The following GRM7 variants were observed in gnomAD, a reference collection of about 807,000 sequenced individuals.
GRM7 encodes the protein metabotropic glutamate receptor 7.
In GRM7, 35 loss-of-function variants were observed where a neutral mutation model predicts 84.5. The observed-to-expected ratio is 0.41, with a 90% confidence interval of 0.32 to 0.55. GRM7 has a LOEUF of 0.55. Ranked by LOEUF, GRM7 falls within the 20% of genes least tolerant of loss-of-function variation. The probability of loss-of-function intolerance (pLI) is 0.19; values close to 1 mark genes in which losing one functional copy is unlikely to be tolerated. For synonymous variants in GRM7, 487 were observed against 455.1 expected, an observed-to-expected ratio of 1.07 and a Z score of -0.89; for missense variants, 1,003 against 1,194.6, an observed-to-expected ratio of 0.84 and a Z score of 2.36.
At chr3:6,875,280 T>C (rs766665497) in intron 1 of GRM7, among the ~76,000 whole-genome samples, 45 of 152,104 alleles carry the variant, frequency 3.0e-4, no homozygotes, top group Non-Finnish European at 4.7e-4. Context: ...TTGATAAGCC[T>C]GATGATATGG....
chr3:7,354,326 G>T (rs1693291577), intron 4 of GRM7, among the ~76,000 whole-genome samples: 1 of 151,618 alleles, frequency 6.6e-6, no homozygotes, highest in East Asian at 2.0e-4. Flanking sequence ...TGGGGTTCAG[G>T]TGATTAATGG....
intron 1 of GRM7, among the ~76,000 whole-genome samples, chr3:7,060,338 C>A (rs2124968496): frequency 6.6e-6 from 1 of 151,912 alleles, no homozygotes; most frequent in African/African-American, 2.4e-5. Flanking sequence ...CCTCCACCAC[C>A]ACCTCCTTGC....
At chr3:7,181,367 T>C (rs1695331851) in intron 2 of GRM7, among the ~76,000 whole-genome samples, 1 of 152,180 alleles carries the variant, frequency 6.6e-6, no homozygotes, top group African/African-American at 2.4e-5. Context: ...TTCCTCTCTG[T>C]AGTCTACTAT....
intron 1 of GRM7, among the ~76,000 whole-genome samples, chr3:7,137,304 C>T (rs987014543): frequency 5.9e-5 from 9 of 151,756 alleles, no homozygotes; most frequent in African/African-American, 1.5e-4. Flanking sequence ...AATTAGAAAC[C>T]GAGAATTGGG....
At chr3:7,018,189 G>T (rs1046209528) in intron 1 of GRM7, among the ~76,000 whole-genome samples, 7 of 152,158 alleles carry the variant, frequency 4.6e-5, no homozygotes, top group Non-Finnish European at 1.0e-4. Flanking sequence ...CAAATATTAA[G>T]AAGTACTGTA....
chr3:7,531,530 C>A (rs1435530847), intron 7 of GRM7, among the ~76,000 whole-genome samples: 3 of 152,102 alleles, frequency 2.0e-5, no homozygotes, highest in African/African-American at 7.2e-5. Context: ...TCCTTCACAT[C>A]CCTTGTAAGT....
intron 7 of GRM7, among the ~76,000 whole-genome samples, chr3:7,475,464 T>A (rs185973079): frequency 1.4e-4 from 22 of 152,318 alleles, no homozygotes; most frequent in African/African-American, 4.6e-4. Context: ...GATAATTATT[T>A]TTTTTTTCCA....
At chr3:7,104,966 C>G (rs1451530922) in intron 1 of GRM7, among the ~76,000 whole-genome samples, 1 of 151,722 alleles carries the variant, frequency 6.6e-6, no homozygotes, top group Non-Finnish European at 1.5e-5. Flanking sequence ...GTTTCAAACA[C>G]TGTTGTAAAA....
intron 2 of GRM7, among the ~76,000 whole-genome samples, chr3:7,276,623 C>A (rs1167748823): frequency 6.6e-6 from 1 of 151,726 alleles, no homozygotes; most frequent in East Asian, 1.9e-4. Flanking sequence ...TTGTGAGGTT[C>A]CTTTTGGGTT....
intron 1 of GRM7, among the ~76,000 whole-genome samples, chr3:7,117,939 T>C (rs566732997): frequency 2.6e-5 from 4 of 152,290 alleles, no homozygotes; most frequent in Admixed American, 6.5e-5. Flanking sequence ...ACCATTTTGG[T>C]TTATCTTTTA....
At chr3:7,711,491 C>A (rs2125165876) in intron 9 of GRM7, among the ~76,000 whole-genome samples, 1 of 152,226 alleles carries the variant, frequency 6.6e-6, no homozygotes, top group South Asian at 2.1e-4. Flanking sequence ...GAGAAGCTGG[C>A]AGTGAGAAGA....
intron 1 of GRM7, among the ~76,000 whole-genome samples, chr3:7,092,510 C>G (rs1163242641): frequency 1.3e-5 from 2 of 151,666 alleles, no homozygotes; most frequent in African/African-American, 4.8e-5. Context: ...GTTAAATAGT[C>G]AAATGCTTAC....
intron 4 of GRM7, among the ~76,000 whole-genome samples, chr3:7,410,033 T>TG (rs1459699830): frequency 6.6e-6 from 1 of 152,090 alleles, no homozygotes; most frequent in African/African-American, 2.4e-5. Context: ...TTCTCAGTGG[T>TG]GGGAAGCTTG....
chr3:7,643,342 A>G lies in GRM7; in HGVS notation c.2452-36707A>G, dbSNP rs140936925. On this transcript the variant is annotated intron_variant, in intron 8 of 9. Coordinates refer to ENST00000357716, the MANE Select transcript of GRM7 (RefSeq NM_000844.4). ...CAATGAAAAACAAACAAAAAAAACA[A>G]AACAGGGCACTAATGGGTGATAGGG... 1.9e-3 allele frequency among the ~76,000 whole-genome samples: 274 copies of G among 144,604 alleles called. 4 individuals carry two copies. The East Asian group carries it at 0.02, about 11-fold the overall frequency. 94.9% of individuals were successfully genotyped at this position (144,604 alleles called of 152,430 possible).
At chr3:7,274,956 A>T (rs1232686554) in intron 2 of GRM7, among the ~76,000 whole-genome samples, 1 of 151,642 alleles carries the variant, frequency 6.6e-6, no homozygotes, top group African/African-American at 2.4e-5. Flanking sequence ...TTTTCCTGTG[A>T]TTCCTGGATA....
At chr3:7,623,048 C>G (rs1697434872) in intron 8 of GRM7, among the ~76,000 whole-genome samples, 1 of 152,172 alleles carries the variant, frequency 6.6e-6, no homozygotes, top group Non-Finnish European at 1.5e-5. Context: ...TGTGATCTAC[C>G]TTAACTGGAA....
intron 1 of GRM7, among the ~76,000 whole-genome samples, chr3:7,031,632 C>T (rs528772079): frequency 2.0e-5 from 3 of 151,726 alleles, no homozygotes; most frequent in Non-Finnish European, 4.4e-5. Flanking sequence ...TTAGCCAGGG[C>T]CAAATACTTT....
At chr3:7,598,599 T>C (rs1473798233) in intron 8 of GRM7, among the ~76,000 whole-genome samples, 4 of 152,216 alleles carry the variant, frequency 2.6e-5, no homozygotes, top group African/African-American at 9.6e-5. Context: ...AGTTGTCCTT[T>C]ATAAGAAAAT....
At chr3:7,183,342 T>C (rs1695406862) in intron 2 of GRM7, among the ~76,000 whole-genome samples, 1 of 152,154 alleles carries the variant, frequency 6.6e-6, no homozygotes, top group Non-Finnish European at 1.5e-5. Context: ...GAAAAAATAA[T>C]GAAGCTGGGC....
Sources: allele counts gnomAD v4.1 joint callset (sites outside exome capture counted in the v4.1 genomes callset), GRCh38; gene constraint gnomAD v4.1.1; transcripts MANE v1.5; gene names NCBI Gene and HGNC (gene_info 2026-07-23, HGNC 2026-07-21).